The following NPFFR2 variants were observed in gnomAD, a reference collection of about 807,000 sequenced individuals.
The protein encoded by NPFFR2 is neuropeptide FF receptor 2, also known as G-protein coupled receptor 74.
NPFFR2 carries 15 observed loss-of-function variants against 13.1 expected under a neutral mutation model. The observed-to-expected ratio is 1.15, with a 90% CI of 0.77 to 1.76. NPFFR2 has a LOEUF of 1.76. Ranked by LOEUF, NPFFR2 falls within the 40% of genes most tolerant of loss-of-function variation. The pLI, the probability that NPFFR2 is intolerant of heterozygous loss-of-function variation, is 0.00. For synonymous variants in NPFFR2, 190 were observed against 175.7 expected (o/e 1.08, Z -0.65); for missense variants, 572 against 503.5 (o/e 1.14, Z -1.30).
At chr4:72,093,432 T>C (rs183189505) in intron 1 of NPFFR2, among the ~76,000 whole-genome samples, 35 of 152,340 alleles carry the variant, frequency 2.3e-4, no homozygotes, top group Admixed American at 6.5e-4. Flanking sequence ...GTTTTCCAAA[T>C]GTTTAGATTT....
intron 3 of NPFFR2, among the ~76,000 whole-genome samples, chr4:72,144,592 T>A (rs1382360970): frequency 2.6e-5 from 4 of 152,136 alleles, no homozygotes; most frequent in Non-Finnish European, 5.9e-5. Flanking sequence ...ACAGTTACGT[T>A]CCAAAGCACC....
intron 1 of NPFFR2, among the ~76,000 whole-genome samples, chr4:72,108,700 C>G (rs942495805): frequency 5.3e-5 from 8 of 151,724 alleles, no homozygotes; most frequent in Non-Finnish European, 1.2e-4. Context: ...TTTTAACTAC[C>G]TAATAGGGAC....
chr4:72,130,561 A>T (rs1480136944), intron 2 of NPFFR2, among the ~76,000 whole-genome samples: 1 of 151,882 alleles, frequency 6.6e-6, no homozygotes, highest in Non-Finnish European at 1.5e-5. Flanking sequence ...AATTTTATTG[A>T]GGTTGTGATG....
intron 1 of NPFFR2, among the ~76,000 whole-genome samples, chr4:72,055,125 A>T (rs1447019482): frequency 6.6e-6 from 1 of 151,976 alleles, no homozygotes; most frequent in Non-Finnish European, 1.5e-5. Flanking sequence ...TAATATCCAC[A>T]TACAGGTATA....
At chr4:72,103,489 C>CT (rs397949472) in intron 1 of NPFFR2, among the ~76,000 whole-genome samples, 1,843 of 151,574 alleles carry the variant, frequency 0.012, 17 homozygotes, top group Middle Eastern at 0.024. Flanking sequence ...GAATAAATTT[C>CT]TTTTTTTTTA....
At chr4:72,069,034 T>C (rs1010533297) in intron 1 of NPFFR2, 3 of 943,378 alleles carry the variant, frequency 3.2e-6, no homozygotes, top group Non-Finnish European at 4.5e-6. Flanking sequence ...GTAAGTATTC[T>C]AATATTATTT....
chr4:72,063,958 A>G (rs1049223171), intron 1 of NPFFR2, among the ~76,000 whole-genome samples: 1 of 152,202 alleles, frequency 6.6e-6, no homozygotes, highest in Non-Finnish European at 1.5e-5. Flanking sequence ...CTGGGTCTCG[A>G]TTTACGTTTA....
intron 1 of NPFFR2, among the ~76,000 whole-genome samples, chr4:72,102,333 T>A (rs116202094): frequency 6.6e-6 from 1 of 152,072 alleles, no homozygotes; most frequent in African/African-American, 2.4e-5. Context: ...AATCTTTCAA[T>A]AAATTAATAT....
At chr4:72,067,227 G>A (rs1720101520) in intron 1 of NPFFR2, among the ~76,000 whole-genome samples, 1 of 152,178 alleles carries the variant, frequency 6.6e-6, no homozygotes, top group Admixed American at 6.5e-5. Context: ...GCAGTGGCCC[G>A]AGTTCTACCT....
At chr4:72,140,601 G>A (rs540647265) in intron 3 of NPFFR2, among the ~76,000 whole-genome samples, 1 of 152,312 alleles carries the variant, frequency 6.6e-6, no homozygotes, top group Admixed American at 6.5e-5. Context: ...GCATCACAGG[G>A]ATGAAGCAGA....
intron 1 of NPFFR2, 22 bp downstream of exon 1, chr4:72,032,222 T>C: frequency 6.3e-7 from 1 of 1,575,268 alleles, no homozygotes; most frequent in Non-Finnish European, 8.6e-7. Context: ...GGCCAGTTTG[T>C]CTGGGGGCCC....
intron 1 of NPFFR2, chr4:72,068,803 C>A (rs1436347980): frequency 1.8e-5 from 7 of 380,076 alleles, no homozygotes; most frequent in African/African-American, 1.3e-4. Context: ...CTTAATAATG[C>A]TTAAGTTCTA....
At chr4:72,105,085 T>A (rs2109813849) in intron 1 of NPFFR2, among the ~76,000 whole-genome samples, 1 of 151,556 alleles carries the variant, frequency 6.6e-6, no homozygotes, top group East Asian at 1.9e-4. Context: ...TTTACCAACT[T>A]TGATTTTTCA....
Position 72,035,880 on chromosome 4 carries a change from T to C in NPFFR2, c.-8+3680T>C, listed in dbSNP as rs79449574. ...GTCTGCATGGAGTCTGGGTTCCATG[T>C]GGCAGTTGCAGAATAAAGCACCTGC... is the stretch of plus-strand genomic sequence containing the variant. On this transcript the variant is annotated intron_variant, in intron 1 of 3. Coordinates refer to ENST00000308744, the MANE Select transcript of NPFFR2 (RefSeq NM_004885.3). 7.3e-3 allele frequency among the ~76,000 whole-genome samples: 1,107 copies of C among 152,302 alleles called. 16 individuals carry two copies. The highest frequency in any genetic ancestry group is 0.025 in the African/African-American group (1,045 of 41,562).
At chr4:72,137,101 T>C (rs948830663) in intron 2 of NPFFR2, among the ~76,000 whole-genome samples, 2 of 152,184 alleles carry the variant, frequency 1.3e-5, no homozygotes, top group African/African-American at 2.4e-5. Flanking sequence ...TCTTTTAGTT[T>C]CCACTCACTA....
chr4:72,139,234 T>A (rs996133254), intron 3 of NPFFR2, among the ~76,000 whole-genome samples: 2 of 152,218 alleles, frequency 1.3e-5, no homozygotes, highest in Non-Finnish European at 2.9e-5. Flanking sequence ...TGGTAGTTTC[T>A]TTTGCTGTGC....
chr4:72,127,826 T>C (rs1425361122), intron 1 of NPFFR2, among the ~76,000 whole-genome samples: 1 of 151,966 alleles, frequency 6.6e-6, no homozygotes, highest in Non-Finnish European at 1.5e-5. Flanking sequence ...ATGCCTGTAA[T>C]CCTAGCATTT....
intron 1 of NPFFR2, among the ~76,000 whole-genome samples, chr4:72,045,195 A>G (rs556231403): frequency 1.1e-4 from 16 of 152,262 alleles, no homozygotes; most frequent in South Asian, 4.1e-4. Context: ...TCAGTTCACT[A>G]TAAGTATCTG....
chr4:72,121,653 G>A (rs1039437541), intron 1 of NPFFR2, among the ~76,000 whole-genome samples: 1 of 152,134 alleles, frequency 6.6e-6, no homozygotes, highest in African/African-American at 2.4e-5. Flanking sequence ...GCCAAACTAA[G>A]CTTCATAAGT....
Sources: allele counts gnomAD v4.1 joint callset (sites outside exome capture counted in the v4.1 genomes callset), GRCh38; gene constraint gnomAD v4.1.1; transcripts MANE v1.5; gene names NCBI Gene and HGNC (gene_info 2026-07-23, HGNC 2026-07-21).